Variants in CNTNAP2 observed in about 807,000 individuals in gnomAD.
The protein encoded by CNTNAP2 is contactin associated protein 2, also known as contactin-associated protein-like 2.
Under a neutral mutation model 155.2 loss-of-function variants are expected in CNTNAP2, and 98 were observed. The ratio of observed to expected loss-of-function variants is 0.63; its 90% CI spans 0.54 to 0.75. The LOEUF (loss-of-function observed/expected upper bound fraction) is 0.75, where lower values mean the gene tolerates loss of function less well. Ranked by LOEUF, CNTNAP2 falls within the 30% of genes least tolerant of loss-of-function variation. The probability of loss-of-function intolerance (pLI) is 0.00; values close to 1 mark genes in which losing one functional copy is unlikely to be tolerated. For missense variants in CNTNAP2, 1,727 were observed against 1,688.1 expected (o/e 1.02, Z -0.40); for synonymous variants, 651 against 631.2 (o/e 1.03, Z -0.47).
intron 22 of CNTNAP2, among the ~76,000 whole-genome samples, chr7:148,385,009 C>T (rs907086516): frequency 6.6e-6 from 1 of 152,188 alleles, no homozygotes; most frequent in Admixed American, 6.5e-5. Context: ...CAAATCCTCT[C>T]CCCCTGCAAA....
intron 14 of CNTNAP2, among the ~76,000 whole-genome samples, chr7:147,928,169 C>A (rs548318445): frequency 5.6e-4 from 85 of 152,266 alleles, no homozygotes; most frequent in Non-Finnish European, 1.0e-3. Flanking sequence ...GATTGTGAGG[C>A]CTCCCTAGCC....
intron 3 of CNTNAP2, among the ~76,000 whole-genome samples, chr7:146,945,325 A>C (rs1037219179): frequency 8.5e-5 from 13 of 152,310 alleles, no homozygotes; most frequent in Middle Eastern, 3.4e-3. Flanking sequence ...CTGGTGTTTC[A>C]GCTTGATTTT....
intron 1 of CNTNAP2, among the ~76,000 whole-genome samples, chr7:146,343,889 G>A (rs1794772638): frequency 6.6e-6 from 1 of 151,944 alleles, no homozygotes; most frequent in Admixed American, 6.6e-5. Context: ...ATCAAAATAA[G>A]ATATGATTTT....
chr7:147,464,052 T>C (rs12703914), intron 10 of CNTNAP2, among the ~76,000 whole-genome samples: 117,825 of 150,876 alleles, frequency 0.78, 46,385 homozygotes, highest in African/African-American at 0.88. Flanking sequence ...ACAATACATA[T>C]GTGTGTGCTT....
chr7:146,820,417 A>G (rs1297399861), intron 2 of CNTNAP2, among the ~76,000 whole-genome samples: 2 of 152,220 alleles, frequency 1.3e-5, no homozygotes, highest in African/African-American at 4.8e-5. Context: ...AAAAATAGAC[A>G]AAACATACAG....
chr7:146,658,484 T>G (rs7797278), intron 1 of CNTNAP2, among the ~76,000 whole-genome samples: 6,170 of 152,140 alleles, frequency 0.041, 437 homozygotes, highest in African/African-American at 0.14. Context: ...TTATACCATA[T>G]CTGGAATGTT....
At chr7:146,985,373 A>G (rs932651370) in intron 3 of CNTNAP2, among the ~76,000 whole-genome samples, 3 of 140,252 alleles carry the variant, frequency 2.1e-5, no homozygotes, top group Admixed American at 7.3e-5. Flanking sequence ...GCTGAAGTGC[A>G]GTGGTGCAGT....
intron 15 of CNTNAP2, among the ~76,000 whole-genome samples, chr7:147,978,791 T>A (rs11765745): frequency 0.034 from 5,187 of 152,170 alleles, 152 homozygotes; most frequent in South Asian, 0.13. Flanking sequence ...TATGCTTTTG[T>A]GATTGTGTGC....
intron 21 of CNTNAP2, among the ~76,000 whole-genome samples, chr7:148,328,269 C>T (rs549416431): frequency 3.9e-5 from 6 of 151,998 alleles, no homozygotes; most frequent in Non-Finnish European, 7.4e-5. Flanking sequence ...CTTGTTGGCC[C>T]GGGAAAGCTG....
chr7:147,972,186 TC>T (rs1801344866), intron 14 of CNTNAP2, among the ~76,000 whole-genome samples: 1 of 152,204 alleles, frequency 6.6e-6, no homozygotes, highest in South Asian at 2.1e-4. Flanking sequence ...AACTTTGACT[TC>T]CTGAATTCTG....
intron 1 of CNTNAP2, among the ~76,000 whole-genome samples, chr7:146,532,856 G>A (rs180930943): frequency 2.4e-3 from 369 of 151,898 alleles, no homozygotes; most frequent in Admixed American, 3.8e-3. Flanking sequence ...AGGCCGAGGC[G>A]GGCGGATCAC....
chr7:147,679,453 G>T (rs554927416), intron 13 of CNTNAP2, among the ~76,000 whole-genome samples: 30 of 151,978 alleles, frequency 2.0e-4, no homozygotes, highest in African/African-American at 7.2e-4. Context: ...TTTAGAAATG[G>T]ATTGAGGAAG....
rs140863327 is a variant in CNTNAP2 at position 148,069,485 on chromosome 7, G to A, written c.2384-48633G>A. ...AGCAATCAAAAAGAAGGGCGAGGCCGGGCACGGTGGCTCACACCTGTAATT... is the reference window on the plus strand; with the variant it reads ...AGCAATCAAAAAGAAGGGCGAGGCCAGGCACGGTGGCTCACACCTGTAATT... On this transcript the variant is annotated intron_variant, in intron 15 of 23. Transcript: ENST00000361727. Among the ~76,000 whole-genome samples the A allele has an allele frequency of 3.5e-3, 537 of 152,204 alleles. 2 individuals are homozygous for A. Among genetic ancestry groups the A allele is most frequent in the African/African-American group, 0.012 (503 of 41,540 alleles).
chr7:147,576,402 A>G (rs1023955347), intron 12 of CNTNAP2, among the ~76,000 whole-genome samples: 4 of 152,142 alleles, frequency 2.6e-5, no homozygotes, highest in Admixed American at 2.0e-4. Flanking sequence ...AATCTGTCCT[A>G]TAAACTTGAA....
In CNTNAP2 at chr7:148,220,634, GA is replaced by G. The variant is rs5888310; in HGVS notation, c.3247+3120del. On this transcript the variant is annotated intron_variant, in intron 19 of 23. Transcript: ENST00000361727. ...TAGCTCCATAAAAAATATAGGGATA[GA>G]AAAAAAAAAGCAATAATGTGAACAC... Among the ~76,000 whole-genome samples, 555 of 148,032 alleles carry G rather than the reference GA, an allele frequency of 3.7e-3. 5 individuals carry two copies. Among genetic ancestry groups the G allele is most frequent in the African/African-American group, 0.013 (528 of 40,550 alleles).
chr7:148,340,192 G>A (rs1451319836), intron 21 of CNTNAP2, among the ~76,000 whole-genome samples: 1 of 152,142 alleles, frequency 6.6e-6, no homozygotes, highest in African/African-American at 2.4e-5. Flanking sequence ...ATACTAATCA[G>A]TAACAATACT....
intron 1 of CNTNAP2, among the ~76,000 whole-genome samples, chr7:146,219,581 G>A (rs2116895098): frequency 6.6e-6 from 1 of 152,238 alleles, no homozygotes; most frequent in Non-Finnish European, 1.5e-5. Context: ...AAGAAGACAG[G>A]AGGCTGAGGC....
chr7:147,912,302 G>T (rs1036855189), intron 14 of CNTNAP2, among the ~76,000 whole-genome samples: 1 of 152,080 alleles, frequency 6.6e-6, no homozygotes, highest in Non-Finnish European at 1.5e-5. Context: ...TTAGCTCATG[G>T]GTTCCCCAGG....
intron 13 of CNTNAP2, among the ~76,000 whole-genome samples, chr7:147,898,581 G>A (rs1421156074): frequency 2.0e-5 from 3 of 151,750 alleles, no homozygotes; most frequent in South Asian, 2.1e-4. Context: ...GTGCAATGGC[G>A]TAATCTTGGC....
Sources: allele counts gnomAD v4.1 joint callset (sites outside exome capture counted in the v4.1 genomes callset), GRCh38; gene constraint gnomAD v4.1.1; transcripts MANE v1.5; gene names NCBI Gene and HGNC (gene_info 2026-07-23, HGNC 2026-07-21).